The following BORCS5 variants were observed in gnomAD, a reference collection of about 807,000 sequenced individuals.
BORCS5 encodes the protein BLOC-1 related complex subunit 5, also known as BLOC-1-related complex subunit 5.
BORCS5 carries 17 observed loss-of-function variants against 22.1 expected under a neutral mutation model. That is an observed-to-expected ratio of 0.77 (90% CI 0.53 to 1.15). BORCS5 has a LOEUF of 1.15. Ranked by LOEUF, BORCS5 falls within the 50% of genes most tolerant of loss-of-function variation. BORCS5 has a pLI of 0.00. For synonymous variants in BORCS5, 117 were observed against 99.8 expected, an observed-to-expected ratio of 1.17 and a Z score of -1.03; for missense variants, 247 against 253.2, an observed-to-expected ratio of 0.98 and a Z score of 0.17.
At chr12:12,419,776 C>T (rs111617121) in intron 2 of BORCS5, among the ~76,000 whole-genome samples, 24 of 152,192 alleles carry the variant, frequency 1.6e-4, no homozygotes, top group Admixed American at 3.9e-4. Context: ...GGTTTTGATT[C>T]GCATTTCTCT....
intron 2 of BORCS5, among the ~76,000 whole-genome samples, chr12:12,414,672 TG>T (rs531850017): frequency 0.019 from 1,582 of 85,246 alleles, 145 homozygotes; most frequent in South Asian, 0.026. Flanking sequence ...ACGGGGCGGC[TG>T]GCCGGGCGGG....
intron 2 of BORCS5, among the ~76,000 whole-genome samples, chr12:12,367,718 T>C (rs370549519): frequency 1.3e-5 from 2 of 152,338 alleles, no homozygotes; most frequent in African/African-American, 4.8e-5. Flanking sequence ...TTTCCCTTAC[T>C]CCCATAAATC....
intron 2 of BORCS5, among the ~76,000 whole-genome samples, chr12:12,415,474 G>C (rs1246146307): frequency 4.0e-5 from 6 of 148,202 alleles, no homozygotes; most frequent in Non-Finnish European, 7.5e-5. Context: ...CAGGCAGGGA[G>C]GTTGCAGTGA....
intron 2 of BORCS5, among the ~76,000 whole-genome samples, chr12:12,429,270 C>A (rs997113082): frequency 6.6e-6 from 1 of 152,118 alleles, no homozygotes; most frequent in Non-Finnish European, 1.5e-5. Context: ...CCAGGAGAGG[C>A]GTAGCTATCA....
At chr12:12,413,973 G>A (rs1484022492) in intron 2 of BORCS5, among the ~76,000 whole-genome samples, 10 of 56,686 alleles carry the variant, frequency 1.8e-4, no homozygotes, top group South Asian at 4.3e-4. Flanking sequence ...GCGGCTGGCC[G>A]GGCAGAGGGG....
chr12:12,411,717 A>G (rs1439487836), intron 2 of BORCS5, among the ~76,000 whole-genome samples: 2 of 152,162 alleles, frequency 1.3e-5, no homozygotes, highest in East Asian at 3.8e-4. Flanking sequence ...GCGTTTTCTC[A>G]CTATAGGAAA....
intron 2 of BORCS5, among the ~76,000 whole-genome samples, chr12:12,424,902 A>G (rs921579745): frequency 6.6e-6 from 1 of 152,290 alleles, no homozygotes; most frequent in Non-Finnish European, 1.5e-5. Context: ...GGGAAAAAGA[A>G]AAAAGTGAAG....
At chr12:12,418,975 TTGA>T (rs2136101345) in intron 2 of BORCS5, among the ~76,000 whole-genome samples, 1 of 152,348 alleles carries the variant, frequency 6.6e-6, no homozygotes, top group Non-Finnish European at 1.5e-5. Flanking sequence ...GTCTTCTGTG[TTGA>T]TTTTTTGCAG....
intron 2 of BORCS5, among the ~76,000 whole-genome samples, chr12:12,377,056 C>G (rs941723182): frequency 1.3e-5 from 2 of 152,120 alleles, no homozygotes; most frequent in African/African-American, 4.8e-5. Context: ...AATCTTACTA[C>G]CGGAGGAAAC....
intron 2 of BORCS5, among the ~76,000 whole-genome samples, chr12:12,409,542 C>A (rs888551119): frequency 5.3e-5 from 8 of 152,144 alleles, no homozygotes; most frequent in African/African-American, 1.9e-4. Context: ...ATCCATGTCC[C>A]TACAAAGGAC....
chr12:12,357,622 C>T (rs904763496), intron 1 of BORCS5, 113 bp downstream of exon 1: 68 of 1,169,344 alleles, frequency 5.8e-5, no homozygotes, highest in Non-Finnish European at 7.5e-5. Flanking sequence ...AAAAAGCCTT[C>T]ACCGTGCTAG....
chr12:12,446,008 T>C (rs974914862), intron 3 of BORCS5, among the ~76,000 whole-genome samples: 3 of 152,184 alleles, frequency 2.0e-5, no homozygotes, highest in African/African-American at 7.2e-5. Flanking sequence ...TCCATCTCCC[T>C]GCCTGCAGCT....
Position 12,459,757 on chromosome 12 carries a change from A to G in BORCS5, c.361-5789A>G, listed in dbSNP as rs540637226. ...CCAGGTTCATTCTTTCTCTTTGTGG[A>G]TATCTAGATATTCTAGCACAAATTG... On this transcript the variant is annotated intron_variant, in intron 3 of 3. Transcript: ENST00000314565. Among the ~76,000 whole-genome samples, 167 of 152,234 alleles carry G rather than the reference A, an allele frequency of 1.1e-3. No homozygotes were observed. In the Middle Eastern group the frequency reaches 0.017, roughly 16 times the overall value.
Position 12,375,264 on chromosome 12 carries a change from C to T in BORCS5, c.202+13915C>T, listed in dbSNP as rs573457194. Among the ~76,000 whole-genome samples, 923 of 152,316 alleles carry T rather than the reference C, an allele frequency of 6.1e-3. 16 individuals carry two copies. The highest frequency in any genetic ancestry group is 0.022 in the African/African-American group (900 of 41,578). The stretch of plus-strand genomic sequence containing the variant: ...CTGACCTCAGGTGATCCATCCGCCT[C>T]GGCCTCCCAAAGTGCTGGGATTATA... On this transcript the variant is annotated intron_variant, in intron 2 of 3. Transcript: ENST00000314565.
intron 3 of BORCS5, among the ~76,000 whole-genome samples, chr12:12,448,651 C>A (rs1790731157): frequency 6.6e-6 from 1 of 151,950 alleles, no homozygotes; most frequent in Non-Finnish European, 1.5e-5. Flanking sequence ...GCCTCAGCCT[C>A]CCGAGTAGCT....
chr12:12,401,443 G>T (rs1941473052), intron 2 of BORCS5, among the ~76,000 whole-genome samples: 1 of 152,056 alleles, frequency 6.6e-6, no homozygotes, highest in Admixed American at 6.5e-5. Context: ...CCTTTTAAAA[G>T]AATTGTTTTG....
At chr12:12,389,795 C>T (rs780952076) in intron 2 of BORCS5, among the ~76,000 whole-genome samples, 10 of 152,042 alleles carry the variant, frequency 6.6e-5, no homozygotes, top group Non-Finnish European at 1.3e-4. Context: ...AGGCACATGC[C>T]GCCACACCCA....
chr12:12,376,406 T>TGTATTTTTA (rs1038262970), intron 2 of BORCS5, among the ~76,000 whole-genome samples: 1 of 151,914 alleles, frequency 6.6e-6, no homozygotes, highest in Non-Finnish European at 1.5e-5. Context: ...GCTAATTTTT[T>TGTATTTTTA]GTATTTTTAG....
intron 3 of BORCS5, among the ~76,000 whole-genome samples, chr12:12,445,555 A>G (rs898768840): frequency 5.2e-4 from 21 of 40,698 alleles, no homozygotes; most frequent in Non-Finnish European, 1.8e-4. Flanking sequence ...TTTTTTTTTT[A>G]AACTGATGGG....
Sources: allele counts gnomAD v4.1 joint callset (sites outside exome capture counted in the v4.1 genomes callset), GRCh38; gene constraint gnomAD v4.1.1; transcripts MANE v1.5; gene names NCBI Gene and HGNC (gene_info 2026-07-23, HGNC 2026-07-21).